HSPA12A: variants seen among roughly 807,000 people sequenced by gnomAD.
The protein encoded by HSPA12A is heat shock 70 kDa protein 12A.
A neutral mutation model predicts 69.2 loss-of-function variants in HSPA12A; 28 were observed. The ratio of observed to expected loss-of-function variants is 0.40; its 90% CI spans 0.30 to 0.55. The LOEUF is 0.55. Among genes scored for constraint, HSPA12A ranks in the 20% least tolerant of loss-of-function variants. The pLI is 0.38. For synonymous variants in HSPA12A, 345 were observed against 370.5 expected (o/e 0.93, Z 0.79); for missense variants, 686 against 900.7 (o/e 0.76, Z 3.05).
intron 5 of HSPA12A, among the ~76,000 whole-genome samples, chr10:116,695,187 C>G (rs1434071617): frequency 6.6e-6 from 1 of 151,990 alleles, no homozygotes; most frequent in African/African-American, 2.4e-5. Context: ...AGTCAACTGC[C>G]TCCACACCAC....
chr10:116,809,498 G>A (rs1276927931), intron 2 of HSPA12A, among the ~76,000 whole-genome samples: 1 of 152,214 alleles, frequency 6.6e-6, no homozygotes, highest in Admixed American at 6.5e-5. Context: ...TGCTCTCTGT[G>A]CAAGGTGAGG....
intron 5 of HSPA12A, among the ~76,000 whole-genome samples, chr10:116,696,022 A>AAAAAAAAAAAAAAAAAAAAAAC (rs1554880844): frequency 6.7e-6 from 1 of 148,470 alleles, no homozygotes; most frequent in Non-Finnish European, 1.5e-5. Flanking sequence ...AAAAAAAAAA[A>AAAAAAAAAAAAAAAAAAAAAAC]AGGCTTGCAG....
At chr10:116,738,449 A>G (rs1033948053) in intron 1 of HSPA12A, among the ~76,000 whole-genome samples, 1 of 152,200 alleles carries the variant, frequency 6.6e-6, no homozygotes, top group Non-Finnish European at 1.5e-5. Context: ...AAACAGCACA[A>G]GATTTTAGGC....
intron 2 of HSPA12A, among the ~76,000 whole-genome samples, chr10:116,775,217 T>C (rs931356405): frequency 6.6e-6 from 1 of 152,156 alleles, no homozygotes; most frequent in East Asian, 1.9e-4. Flanking sequence ...CTCACAAACC[T>C]ATGGATAGGG....
At chr10:116,849,744 G>A (rs766536006), upstream of HSPA12A, 9 of 1,497,346 alleles carry the variant, frequency 6.0e-6, no homozygotes, top group African/African-American at 5.6e-5. Context: ...AGGGACCTGG[G>A]ACAAGCGCTC....
chr10:116,674,547 C>T lies in HSPA12A; in HGVS notation c.*234G>A, dbSNP rs1849168695. Reference sequence around the variant, plus strand: ...TTTGTACCTATGAAAACTAGCTGCTCCTCCAGGATCCTTTAATTTTCTATG... The same window carrying T: ...TTTGTACCTATGAAAACTAGCTGCTTCTCCAGGATCCTTTAATTTTCTATG... On this transcript the variant is annotated 3_prime_UTR_variant, in exon 12 of 12. Coordinates refer to ENST00000369209, the MANE Select transcript of HSPA12A (RefSeq NM_025015.3). 5 of 558,692 alleles carry T rather than the reference C, an allele frequency of 8.9e-6. No individual in the cohort carries two copies. Among genetic ancestry groups the T allele is most frequent in the Admixed American group, 6.2e-5 (2 of 32,116 alleles). 34.6% of individuals were successfully genotyped at this position (558,692 alleles called of 1,614,324 possible).
At chr10:116,698,563 G>A in intron 5 of HSPA12A, 72 bp downstream of exon 5, 2 of 1,217,642 alleles carry the variant, frequency 1.6e-6, no homozygotes, top group Admixed American at 1.7e-5. Context: ...AGGTGCAGCA[G>A]CCCGAGACAC....
chr10:116,734,992 G>A (rs1452912976), intron 1 of HSPA12A, among the ~76,000 whole-genome samples: 5 of 151,702 alleles, frequency 3.3e-5, no homozygotes, highest in African/African-American at 4.8e-5. Context: ...ACTCCGTCTC[G>A]AAAAGAAAAA....
rs912719720 is a variant in HSPA12A, at chr10:116,846,786, G to A, written c.3+2780C>T. 2.0e-5 allele frequency among the ~76,000 whole-genome samples: 3 copies of A among 152,294 alleles called. No homozygotes were observed. The East Asian group carries it at 5.8e-4, about 29-fold the overall frequency. ...GGGACAACACAATTAACATGCTGATGTATATCTTTTCAGACTTTTTTCTAT... is the reference window on the plus strand; with the variant it reads ...GGGACAACACAATTAACATGCTGATATATATCTTTTCAGACTTTTTTCTAT... On this transcript the variant is annotated intron_variant, in intron 1 of 12. Transcript: ENST00000635765.
upstream of HSPA12A, chr10:116,850,053 A>G: frequency 2.0e-6 from 1 of 502,980 alleles, no homozygotes; most frequent in Middle Eastern, 2.9e-4. Context: ...GGGCCGGCCC[A>G]CCGCCCATGC....
chr10:116,835,200 C>G, intron 1 of HSPA12A: 1 of 324,876 alleles, frequency 3.1e-6, no homozygotes, highest in Admixed American at 4.9e-5. Context: ...ACACTTACCA[C>G]CTACTTGTTG....
chr10:116,781,523 G>A (rs1338815007), intron 2 of HSPA12A, among the ~76,000 whole-genome samples: 1 of 152,154 alleles, frequency 6.6e-6, no homozygotes, highest in Non-Finnish European at 1.5e-5. Context: ...GGGAGGGGTG[G>A]TGCAGGAGCC....
chr10:116,747,611 C>T (rs962774288), intron 2 of HSPA12A, among the ~76,000 whole-genome samples: 46 of 152,342 alleles, frequency 3.0e-4, no homozygotes, highest in African/African-American at 1.0e-3. Flanking sequence ...TGGAGAAAAA[C>T]AACTTTCCTC....
chr10:116,676,628 G>T, intron 10 of HSPA12A, 126 bp from the exon 11 acceptor site: 1 of 720,058 alleles, frequency 1.4e-6, no homozygotes, highest in Non-Finnish European at 2.4e-6. Context: ...GGGGTTGAAA[G>T]CCAAAAGCAC....
chr10:116,774,175 A>T (rs1490391064), intron 2 of HSPA12A, among the ~76,000 whole-genome samples: 1 of 151,824 alleles, frequency 6.6e-6, no homozygotes, highest in Non-Finnish European at 1.5e-5. Flanking sequence ...ACGCCCGGCT[A>T]ATTTTTTGTA....
intron 2 of HSPA12A, among the ~76,000 whole-genome samples, chr10:116,776,086 C>T (rs1421780520): frequency 6.6e-6 from 1 of 152,172 alleles, no homozygotes; most frequent in African/African-American, 2.4e-5. Context: ...CTGACTGCCC[C>T]CCAGTACCCA....
chr10:116,687,922 C>T (rs894451306), intron 6 of HSPA12A, among the ~76,000 whole-genome samples: 6 of 152,228 alleles, frequency 3.9e-5, no homozygotes, highest in African/African-American at 1.4e-4. Context: ...CACATTGTGG[C>T]CCAGGACGAC....
chr10:116,817,942 C>G (rs1365957793), intron 2 of HSPA12A, among the ~76,000 whole-genome samples: 2 of 152,214 alleles, frequency 1.3e-5, no homozygotes, highest in Non-Finnish European at 2.9e-5. Flanking sequence ...TCCAATTAGG[C>G]GCCGATTCCT....
chr10:116,821,249 C>T lies in HSPA12A; in HGVS notation c.91+13686G>A, dbSNP rs538426136. Among the ~76,000 whole-genome samples the T allele has an allele frequency of 8.8e-4, 134 of 152,302 alleles. 2 individuals are homozygous for T. In the South Asian group the frequency reaches 0.027, roughly 30 times the overall value. ...GGAGAAGCTGGAGTCCTTGCCAGGC[C>T]CTATAAGGCCCTACGTGGCCTCATC... On this transcript the variant is annotated intron_variant, in intron 2 of 12. Transcript: ENST00000635765.
Sources: allele counts gnomAD v4.1 joint callset (sites outside exome capture counted in the v4.1 genomes callset), GRCh38; gene constraint gnomAD v4.1.1; transcripts MANE v1.5; gene names NCBI Gene and HGNC (gene_info 2026-07-23, HGNC 2026-07-21).